The following PLB1 variants were observed in gnomAD, a reference collection of about 807,000 sequenced individuals.
PLB1 encodes the protein phospholipase B1, membrane-associated.
PLB1 carries 242 observed loss-of-function variants against 227.4 expected under a neutral mutation model. The ratio of observed to expected loss-of-function variants is 1.06; its 90% CI spans 0.96 to 1.18. PLB1 has a LOEUF of 1.18. Ranked by LOEUF, PLB1 falls within the 50% of genes most tolerant of loss-of-function variation. The probability of loss-of-function intolerance (pLI) is 0.00; values close to 1 mark genes in which losing one functional copy is unlikely to be tolerated. For synonymous variants in PLB1, 757 were observed against 682.2 expected (o/e 1.11, Z -1.71); for missense variants, 1,858 against 1,816.3 (o/e 1.02, Z -0.42).
intron 1 of PLB1, among the ~76,000 whole-genome samples, chr2:28,515,815 A>G (rs1668783073): frequency 6.6e-6 from 1 of 152,184 alleles, no homozygotes; most frequent in Non-Finnish European, 1.5e-5. Flanking sequence ...GAAGTAAGGT[A>G]CCCTGACCTC....
At chr2:28,568,420 C>T (rs1677428096) in intron 20 of PLB1, among the ~76,000 whole-genome samples, 1 of 152,158 alleles carries the variant, frequency 6.6e-6, no homozygotes. Flanking sequence ...CACACTTAGC[C>T]CAGAAATGGA....
At chr2:28,547,230 T>C (rs72789765) in intron 14 of PLB1, among the ~76,000 whole-genome samples, 33,118 of 133,090 alleles carry the variant, frequency 0.25, 4,100 homozygotes, top group Admixed American at 0.3. Flanking sequence ...AAAAAAAAAA[T>C]TGGGGAAGAG....
intron 49 of PLB1, 144 bp downstream of exon 49, chr2:28,621,122 C>G: frequency 1.5e-6 from 1 of 658,858 alleles, no homozygotes; most frequent in Non-Finnish European, 2.6e-6. Flanking sequence ...GAATTATCTC[C>G]TGAGATCCTC....
intron 1 of PLB1, among the ~76,000 whole-genome samples, chr2:28,509,365 A>G (rs1206415877): frequency 6.6e-6 from 1 of 152,182 alleles, no homozygotes; most frequent in Non-Finnish European, 1.5e-5. Flanking sequence ...GGGCTTTTAA[A>G]AACTCTGGTG....
intron 26 of PLB1, among the ~76,000 whole-genome samples, chr2:28,588,558 C>G (rs370857424): frequency 5.3e-5 from 8 of 152,266 alleles, no homozygotes; most frequent in Middle Eastern, 6.8e-3. Flanking sequence ...ACTTCCCTCT[C>G]CAGCCAGTAC....
At chr2:28,549,031 G>A (rs778346854) in intron 15 of PLB1, 100 bp downstream of exon 15, 50 of 935,856 alleles carry the variant, frequency 5.3e-5, no homozygotes, top group Non-Finnish European at 8.2e-5. Flanking sequence ...CCTGAGATGT[G>A]AATCCTGTTT....
At chr2:28,560,466 A>T (rs1675880670) in intron 17 of PLB1, among the ~76,000 whole-genome samples, 1 of 152,178 alleles carries the variant, frequency 6.6e-6, no homozygotes, top group South Asian at 2.1e-4. Context: ...GTGAGTAATT[A>T]CATATATAGC....
intron 17 of PLB1, among the ~76,000 whole-genome samples, chr2:28,561,833 AG>A (rs1676095547): frequency 6.6e-6 from 1 of 152,216 alleles, no homozygotes; most frequent in African/African-American, 2.4e-5. Context: ...GGCTGCAGTG[AG>A]CCATTATCAC....
intron 6 of PLB1, among the ~76,000 whole-genome samples, chr2:28,527,319 G>T (rs1277404338): frequency 6.6e-6 from 1 of 152,200 alleles, no homozygotes; most frequent in African/African-American, 2.4e-5. Context: ...GAAGCCCTCC[G>T]AGGCAGGCCT....
chr2:28,552,969 C>T lies in PLB1; in HGVS notation c.1125C>T (p.Pro375=), dbSNP rs763483924. The change falls in exon 17 of 58, where the codon CCC becomes CCT. Residue 375 remains proline, a synonymous_variant. Transcript: ENST00000327757. ...GAEIRCPDKD[P]SDTVPTSVHR... is the part of the protein sequence containing the mutation. ...AAATCAGATGTCCTGACAAAGACCC[C>T]TCCGATACGGTTCCCACCTCAGGTA... 1.2e-6 allele frequency: 2 copies of T among 1,613,872 alleles called. No homozygotes were observed. The highest frequency in any genetic ancestry group is 2.7e-5 in the African/African-American group (2 of 74,906).
intron 38 of PLB1, among the ~76,000 whole-genome samples, chr2:28,602,209 T>C (rs1684029335): frequency 6.6e-6 from 1 of 152,188 alleles, no homozygotes. Flanking sequence ...GGACACTCCT[T>C]GGTGGAATTG....
chr2:28,617,814 C>A, intron 45 of PLB1, 27 bp downstream of exon 45: 1 of 1,601,462 alleles, frequency 6.2e-7, no homozygotes, highest in Non-Finnish European at 8.6e-7. Flanking sequence ...TCATCTCCTT[C>A]AATTAAGGGC....
chr2:28,544,876 G>C (rs761672248), intron 14 of PLB1, among the ~76,000 whole-genome samples: 1 of 152,154 alleles, frequency 6.6e-6, no homozygotes, highest in Non-Finnish European at 1.5e-5. Flanking sequence ...GGCTCCCAGC[G>C]TGAAAGGAGC....
At position 28,541,708 on chromosome 2, in the gene PLB1, A is replaced by G; in HGVS notation, c.776A>G (p.Glu259Gly). The G allele has an allele frequency of 8.7e-6, 14 of 1,613,194 alleles. No individual in the cohort carries two copies. The highest frequency in any genetic ancestry group is 1.1e-5 in the Non-Finnish European group (13 of 1,179,346). Residue 259 changes from glutamate to glycine, a missense_variant and splice_region_variant, in exon 13 of 58, where the codon GAA (glutamate) becomes GGA (glycine). By Grantham distance (98) the Glu-to-Gly change is moderately conservative. Transcript: ENST00000327757. ...GCACCTCTCTGCTCCCTTCTCCAGG[A>G]AGCCTGGAACAGCCTCCTGGCCTCC... ...AKVVMQWSYQ[E>G]AWNSLLASSR...
At chr2:28,539,706 G>A (rs1672198142) in intron 11 of PLB1, among the ~76,000 whole-genome samples, 1 of 152,088 alleles carries the variant, frequency 6.6e-6, no homozygotes. Flanking sequence ...GTGCTGGAAA[G>A]GAGAGAAGTG....
At chr2:28,541,185 T>TAAATAAATGAA in intron 12 of PLB1, among the ~76,000 whole-genome samples, 1 of 149,994 alleles carries the variant, frequency 6.7e-6, no homozygotes, top group East Asian at 2.0e-4. Context: ...AATAAATAAA[T>TAAATAAATGAA]TAAATAAATA....
intron 15 of PLB1, among the ~76,000 whole-genome samples, chr2:28,549,721 G>A (rs1460095007): frequency 6.6e-6 from 1 of 152,172 alleles, no homozygotes; most frequent in Admixed American, 6.5e-5. Context: ...TGGCTGCCAA[G>A]AAGCTTAAAA....
chr2:28,584,401 AGGC>A (rs990407158), intron 25 of PLB1, among the ~76,000 whole-genome samples: 2 of 152,226 alleles, frequency 1.3e-5, no homozygotes, highest in African/African-American at 4.8e-5. Flanking sequence ...AGCTGGTGTC[AGGC>A]ATGCTATTTC....
rs1028386266 is a variant in PLB1 at position 28,605,044 on chromosome 2, C to T, written c.2961+285C>T. On this transcript the variant is annotated intron_variant, in intron 41 of 57. Coordinates refer to ENST00000327757, the MANE Select transcript of PLB1 (RefSeq NM_153021.5). ...GCCTTTGGAAATGAGTGTGATCATC[C>T]GCATGGAACACAGGTGCAGAGATGT... Among the ~76,000 whole-genome samples, 12 of 152,280 alleles carry T rather than the reference C, an allele frequency of 7.9e-5. No homozygotes were observed. In the East Asian group the frequency reaches 9.6e-4, roughly 12 times the overall value.
Sources: gnomAD v4.1 joint callset for allele counts (sites outside exome capture counted in the v4.1 genomes callset) on GRCh38, gnomAD v4.1.1 for gene constraint, MANE v1.5 for transcripts, NCBI Gene and HGNC (gene_info 2026-07-23, HGNC 2026-07-21) for gene names.